MYO5A: variants seen among roughly 807,000 people sequenced by gnomAD.
MYO5A encodes unconventional myosin-Va.
Under a neutral mutation model 249.7 loss-of-function variants are expected in MYO5A, and 98 were observed. That is an observed-to-expected ratio of 0.39 (90% CI 0.33 to 0.46). MYO5A has a LOEUF of 0.46. Ranked by LOEUF, MYO5A falls within the 20% of genes least tolerant of loss-of-function variation. The pLI is 0.98. For synonymous variants in MYO5A, 778 were observed against 810.6 expected (o/e 0.96, Z 0.68); for missense variants, 1,696 against 2,308.8 (o/e 0.73, Z 5.44).
chr15:52,452,343 G>A (rs2076036411), intron 1 of MYO5A, among the ~76,000 whole-genome samples: 1 of 152,102 alleles, frequency 6.6e-6, no homozygotes, highest in Admixed American at 6.5e-5. Flanking sequence ...CTCTGACTGA[G>A]TTTCTACACT....
At chr15:52,319,544 A>T (rs759196834) in intron 38 of MYO5A, among the ~76,000 whole-genome samples, 4 of 152,150 alleles carry the variant, frequency 2.6e-5, no homozygotes, top group Non-Finnish European at 4.4e-5. Context: ...CAGCCTGGCC[A>T]ACATAAGGAA....
At chr15:52,384,077 C>T in intron 15 of MYO5A, 84 bp downstream of exon 15, 2 of 1,557,658 alleles carry the variant, frequency 1.3e-6, no homozygotes, top group Non-Finnish European at 1.8e-6. Context: ...GAGGATCCCA[C>T]CTGGGAGGCT....
chr15:52,321,339 C>T lies in MYO5A; in HGVS notation c.4951+20G>A, dbSNP rs1356808679. ...TGAATGATAGGCAGGCTGCAATGCC[C>T]AGTGGGGCCCTGGCCTTACCAATCA... On this transcript the variant is annotated intron_variant, in intron 38 of 41. Coordinates refer to ENST00000399233, the MANE Select transcript of MYO5A (RefSeq NM_001382347.1). 1 of 1,614,098 alleles carries T rather than the reference C, an allele frequency of 6.2e-7. No individual in the cohort carries two copies. Among genetic ancestry groups the T allele is most frequent in the East Asian group, 2.2e-5 (1 of 44,864 alleles).
At chr15:52,497,048 ACCT>A in intron 1 of MYO5A, among the ~76,000 whole-genome samples, 2 of 152,036 alleles carry the variant, frequency 1.3e-5, no homozygotes, top group Middle Eastern at 6.8e-3. Context: ...TGCAACTTCC[ACCT>A]CTCAGGCTCA....
At chr15:52,387,808 A>T (rs201833851) in intron 14 of MYO5A, 21 bp downstream of exon 14, 1 of 1,507,598 alleles carries the variant, frequency 6.6e-7, no homozygotes, top group East Asian at 2.3e-5. Context: ...CCTGGATTAG[A>T]GTAAGCCTAT....
At position 52,343,316 on chromosome 15, in the gene MYO5A, T is replaced by G. The variant is rs1471409372; in HGVS notation, c.3960-119A>C. 3.4e-6 allele frequency: 3 copies of G among 869,738 alleles called. No homozygotes were observed. The African/African-American group carries it at 5.0e-5, about 14-fold the overall frequency. 53.9% of individuals were successfully genotyped at this position (869,738 alleles called of 1,614,324 possible). Reference sequence around the variant, plus strand: ...ATTTTATAAGTTTGTTTTTATTCATTATGACAACTTTAAGACATTACCACA... The same window carrying G: ...ATTTTATAAGTTTGTTTTTATTCATGATGACAACTTTAAGACATTACCACA... On this transcript the variant is annotated intron_variant, in intron 30 of 41. Transcript: ENST00000399233.
In MYO5A at chr15:52,513,157, G is replaced by A. The variant is rs965733251; in HGVS notation, c.27+15623C>T. ...AGGCTACAGAATAAGCTGGCCGGGTGCGGTGGCTCACACCCGTAATCCCAG... is the reference window on the plus strand; with the variant it reads ...AGGCTACAGAATAAGCTGGCCGGGTACGGTGGCTCACACCCGTAATCCCAG... On this transcript the variant is annotated intron_variant, in intron 1 of 41. Transcript: ENST00000399233. Among the ~76,000 whole-genome samples, 4 of 143,484 alleles carry A rather than the reference G, an allele frequency of 2.8e-5. No homozygotes were observed. The East Asian group carries it at 6.5e-4, about 23-fold the overall frequency. The allele number at this position is 143,484 out of a possible 152,430, so 94.1% of individuals were successfully genotyped here.
chr15:52,349,111 T>G (rs969764445), intron 28 of MYO5A, among the ~76,000 whole-genome samples: 2 of 152,236 alleles, frequency 1.3e-5, no homozygotes, highest in Admixed American at 6.5e-5. Context: ...AAAATATCTT[T>G]GAGTATGTGA....
At position 52,416,337 on chromosome 15, in the gene MYO5A, T is replaced by G. The variant is rs11856752; in HGVS notation, c.456-36A>C. Reference sequence around the variant, plus strand: ...AAAATTTTTTAAAAAGTAACTGCCATTGCTGCCTATAGCAGGATTGATAAG... The same window carrying G: ...AAAATTTTTTAAAAAGTAACTGCCAGTGCTGCCTATAGCAGGATTGATAAG... On this transcript the variant is annotated intron_variant, in intron 4 of 41. Coordinates refer to ENST00000399233, the MANE Select transcript of MYO5A (RefSeq NM_001382347.1). 260,802 of 1,597,614 alleles carry G rather than the reference T, an allele frequency of 0.16. 21,869 individuals are homozygous for G. The highest frequency in any genetic ancestry group is 0.21 in the Middle Eastern group (1,249 of 6,002).
At chr15:52,522,196 G>A (rs1055031383) in intron 1 of MYO5A, among the ~76,000 whole-genome samples, 1 of 152,206 alleles carries the variant, frequency 6.6e-6, no homozygotes, top group Non-Finnish European at 1.5e-5. Context: ...AGATGTTGGG[G>A]AAGATAAGAG....
At chr15:52,345,478 G>T (rs7175301) in intron 30 of MYO5A, among the ~76,000 whole-genome samples, 5 of 151,620 alleles carry the variant, frequency 3.3e-5, no homozygotes, top group Admixed American at 6.6e-5. Flanking sequence ...CCAGCTACTC[G>T]AGAGGCTGAG....
intron 39 of MYO5A, among the ~76,000 whole-genome samples, chr15:52,318,182 A>C (rs1338422500): frequency 6.6e-6 from 1 of 152,086 alleles, no homozygotes; most frequent in East Asian, 1.9e-4. Flanking sequence ...GTGGCCCAGC[A>C]CGGTGGCTCA....
At chr15:52,411,742 T>C (rs377288817) in intron 5 of MYO5A, among the ~76,000 whole-genome samples, 5 of 152,144 alleles carry the variant, frequency 3.3e-5, no homozygotes, top group African/African-American at 4.8e-5. Context: ...ATGAAAACAA[T>C]AGTAACACAG....
At chr15:52,381,782 TCACACA>T (rs1555438778) in intron 16 of MYO5A, among the ~76,000 whole-genome samples, 8 of 137,766 alleles carry the variant, frequency 5.8e-5, no homozygotes, top group South Asian at 2.5e-4. Flanking sequence ...TCTCTCTCTC[TCACACA>T]CACACACACA....
intron 1 of MYO5A, chr15:52,505,662 A>G (rs2077254024): frequency 8.1e-7 from 1 of 1,229,392 alleles, no homozygotes. Flanking sequence ...TGGCGAAATT[A>G]GAGGGCGTCA....
chr15:52,327,248 GTAA>G (rs1340697640), intron 36 of MYO5A, among the ~76,000 whole-genome samples: 2 of 152,112 alleles, frequency 1.3e-5, no homozygotes, highest in Admixed American at 6.5e-5. Context: ...TTAGTTCTAA[GTAA>G]AACCTCAAAC....
At chr15:52,496,032 C>G (rs1222501590) in intron 1 of MYO5A, among the ~76,000 whole-genome samples, 2 of 151,506 alleles carry the variant, frequency 1.3e-5, no homozygotes, top group East Asian at 3.9e-4. Flanking sequence ...GTGTAACAAA[C>G]CTGCACATTG....
At chr15:52,361,618 AG>A (rs2040531180) in intron 24 of MYO5A, among the ~76,000 whole-genome samples, 1 of 152,186 alleles carries the variant, frequency 6.6e-6, no homozygotes, top group Non-Finnish European at 1.5e-5. Flanking sequence ...GGTCTGTGTG[AG>A]GATTAAATAA....
At position 52,436,508 on chromosome 15, in the gene MYO5A, G is replaced by A. The variant is rs1296858200; in HGVS notation, c.28-3223C>T. Reference sequence around the variant, plus strand: ...AGAGGCCTTCCCAGACCTTTCTAGCGGAAATCAATCCAAACTACTATTACC... The same window carrying A: ...AGAGGCCTTCCCAGACCTTTCTAGCAGAAATCAATCCAAACTACTATTACC... On this transcript the variant is annotated intron_variant, in intron 1 of 41. Transcript: ENST00000399233. Among the ~76,000 whole-genome samples, 5 of 152,126 alleles carry A rather than the reference G, an allele frequency of 3.3e-5. No homozygotes were observed. The East Asian group carries it at 5.8e-4, about 18-fold the overall frequency.
Sources: allele counts gnomAD v4.1 joint callset (sites outside exome capture counted in the v4.1 genomes callset), GRCh38; gene constraint gnomAD v4.1.1; transcripts MANE v1.5; gene names NCBI Gene and HGNC (gene_info 2026-07-23, HGNC 2026-07-21).